AFF3: variants seen among roughly 807,000 people sequenced by gnomAD.
The protein encoded by AFF3 is AF4/FMR2 family member 3.
In AFF3, 32 loss-of-function variants were observed where a neutral mutation model predicts 129.7. The ratio of observed to expected loss-of-function variants is 0.25; its 90% CI spans 0.19 to 0.33. AFF3 has a LOEUF of 0.33. Among genes scored for constraint, AFF3 ranks in the 10% least tolerant of loss-of-function variants. The probability of loss-of-function intolerance (pLI) is 1.00; values close to 1 mark genes in which losing one functional copy is unlikely to be tolerated. For synonymous variants in AFF3, 644 were observed against 635.4 expected (o/e 1.01, Z -0.20); for missense variants, 1,373 against 1,592.0 (o/e 0.86, Z 2.34).
At chr2:99,756,908 A>G (rs939229545) in intron 8 of AFF3, among the ~76,000 whole-genome samples, 2 of 152,184 alleles carry the variant, frequency 1.3e-5, no homozygotes, top group Non-Finnish European at 2.9e-5. Context: ...ACCCACCTTC[A>G]CATTTCCAAG....
At position 99,649,647 on chromosome 2, in the gene AFF3, G is replaced by A. The variant is rs773332000; in HGVS notation, c.1163C>T (p.Ala388Val). The A allele has an allele frequency of 1.2e-6, 2 of 1,614,052 alleles. No individual in the cohort carries two copies. The highest frequency in any genetic ancestry group is 1.7e-6 in the Non-Finnish European group (2 of 1,180,032). Residue 388 changes from alanine to valine, a missense_variant, in exon 13 of 25, where the codon GCT (alanine) becomes GTT (valine). Ala to Val is a moderately conservative substitution (Grantham distance 64, BLOSUM62 0). This residue lies in a region of AFF3 where 413 missense variants were observed against 424.4 expected (regional missense o/e 0.97). Coordinates refer to ENST00000672756, the MANE Select transcript of AFF3 (RefSeq NM_001386135.1). ...ENEQQAAQRT[A>V]LRALSDSAVV... ...GTACCTGTCAGAGAGAGCGCGGAGA[G>A]CCGTTCTCTGAGCTGCCTGCTGGAA...
intron 7 of AFF3, among the ~76,000 whole-genome samples, chr2:99,925,252 AT>A (rs569695338): frequency 2.0e-5 from 3 of 151,538 alleles, no homozygotes; most frequent in South Asian, 2.1e-4. Context: ...ATTATTGTAC[AT>A]TTTTTTTCCT....
intron 7 of AFF3, among the ~76,000 whole-genome samples, chr2:99,929,288 T>C (rs185821822): frequency 1.8e-3 from 275 of 151,948 alleles, no homozygotes; most frequent in African/African-American, 6.3e-3. Flanking sequence ...GACTGCACCA[T>C]TGCACTCCAG....
intron 11 of AFF3, among the ~76,000 whole-genome samples, chr2:99,714,245 G>A (rs753142920): frequency 1.3e-5 from 2 of 152,090 alleles, no homozygotes; most frequent in African/African-American, 4.8e-5. Context: ...ACTCTCCCCA[G>A]CCCAAAGCTG....
Position 100,104,482 on chromosome 2 carries a change from C to G in AFF3, c.-28G>C, listed in dbSNP as rs1233650122. On this transcript the variant is annotated 5_prime_UTR_variant, in exon 4 of 25. Coordinates refer to ENST00000672756, the MANE Select transcript of AFF3 (RefSeq NM_001386135.1). ...TGGGAGGTGTCAGCGTCGCCGCCGC[C>G]GCTACCGCCGCCGCCGAGGCTCGGG... 3 of 1,304,036 alleles carry G rather than the reference C, an allele frequency of 2.3e-6. No homozygotes were observed. The highest frequency in any genetic ancestry group is 3.2e-4 in the Middle Eastern group (1 of 3,170). 80.8% of individuals were successfully genotyped at this position (1,304,036 alleles called of 1,614,324 possible).
intron 4 of AFF3, among the ~76,000 whole-genome samples, chr2:100,099,669 G>T (rs1190956690): frequency 3.3e-5 from 5 of 152,160 alleles, no homozygotes; most frequent in Non-Finnish European, 5.9e-5. Context: ...GTCAGCCTTG[G>T]ATTACAGGTA....
At chr2:100,038,277 G>T (rs1685140799) in intron 4 of AFF3, among the ~76,000 whole-genome samples, 1 of 151,532 alleles carries the variant, frequency 6.6e-6, no homozygotes, top group Non-Finnish European at 1.5e-5. Flanking sequence ...TACTCCCGCA[G>T]ATTAAAACCA....
intron 12 of AFF3, among the ~76,000 whole-genome samples, chr2:99,662,128 G>A (rs1298615306): frequency 1.3e-5 from 2 of 150,602 alleles, no homozygotes; most frequent in African/African-American, 4.9e-5. Flanking sequence ...AACAGAACAA[G>A]ACTCTGTCTC....
At position 99,594,124 on chromosome 2, in the gene AFF3, C is replaced by T. The variant is rs1278783084; in HGVS notation, c.1537G>A (p.Val513Ile). The T allele has an allele frequency of 3.1e-6, 5 of 1,613,932 alleles. No individual in the cohort carries two copies. The highest frequency in any genetic ancestry group is 1.6e-4 in the Middle Eastern group (1 of 6,084). ...TTCTCTCTCAGGCTGGGCTGGCAAA[C>T]GTCGGGGACTTTCCCACAGTCCTGG... ...DVQDCGKVPD[V>I]CQPSLREKEI... The change falls in exon 15 of 25, where the codon GTT becomes ATT. Residue 513 changes from valine to isoleucine, a missense_variant. Val to Ile is a conservative substitution (Grantham distance 29). Transcript: ENST00000672756.
chr2:100,136,307 C>A (rs1692640228), intron 1 of AFF3, among the ~76,000 whole-genome samples: 1 of 152,026 alleles, frequency 6.6e-6, no homozygotes. Flanking sequence ...CGCTTCACCA[C>A]CCGGAGATGT....
At chr2:99,869,045 C>T (rs552646902) in intron 7 of AFF3, among the ~76,000 whole-genome samples, 80 of 152,166 alleles carry the variant, frequency 5.3e-4, no homozygotes, top group African/African-American at 1.9e-3. Flanking sequence ...TCTGCCTCTG[C>T]CTCTGCCTCC....
intron 7 of AFF3, among the ~76,000 whole-genome samples, chr2:99,951,602 C>T (rs573658495): frequency 7.0e-4 from 107 of 152,290 alleles, no homozygotes; most frequent in African/African-American, 2.5e-3. Flanking sequence ...ACCAGTTTTA[C>T]AAATGGTCAG....
chr2:99,679,551 CTCAA>C (rs1353660583), intron 11 of AFF3, among the ~76,000 whole-genome samples: 2 of 152,144 alleles, frequency 1.3e-5, no homozygotes, highest in African/African-American at 2.4e-5. Flanking sequence ...TCTTCAAAAT[CTCAA>C]TCAGTCAACT....
intron 8 of AFF3, among the ~76,000 whole-genome samples, chr2:99,817,166 A>G (rs540714696): frequency 6.6e-6 from 1 of 152,288 alleles, no homozygotes; most frequent in East Asian, 1.9e-4. Context: ...AGACCACAGG[A>G]AAGGCTTCTC....
At chr2:99,985,993 G>A (rs1192707216) in intron 7 of AFF3, among the ~76,000 whole-genome samples, 1 of 152,032 alleles carries the variant, frequency 6.6e-6, no homozygotes, top group Non-Finnish European at 1.5e-5. Flanking sequence ...GAGGTCAGGA[G>A]ACCGAGACCA....
chr2:100,003,955 T>C (rs371587829), intron 7 of AFF3, among the ~76,000 whole-genome samples: 12 of 151,152 alleles, frequency 7.9e-5, no homozygotes, highest in African/African-American at 3.0e-4. Flanking sequence ...GTAAATTTCT[T>C]GGAGGCAGAG....
At chr2:99,762,504 T>C (rs1012288845) in intron 8 of AFF3, among the ~76,000 whole-genome samples, 2 of 152,200 alleles carry the variant, frequency 1.3e-5, no homozygotes, top group Non-Finnish European at 2.9e-5. Context: ...AGAATATTTT[T>C]AAAATCCCTA....
chr2:99,991,415 C>T (rs752099236), intron 7 of AFF3, among the ~76,000 whole-genome samples: 4 of 152,094 alleles, frequency 2.6e-5, no homozygotes, highest in Admixed American at 2.0e-4. Context: ...GTGTTCCTCT[C>T]GATAAAACAG....
At chr2:99,803,463 G>A (rs1376361866) in intron 8 of AFF3, among the ~76,000 whole-genome samples, 1 of 152,146 alleles carries the variant, frequency 6.6e-6, no homozygotes, top group Non-Finnish European at 1.5e-5. Context: ...TACATCCCAT[G>A]CTCATGGATT....
Sources: allele counts gnomAD v4.1 joint callset (sites outside exome capture counted in the v4.1 genomes callset), GRCh38; gene constraint gnomAD v4.1.1; regional missense constraint gnomAD v4.1.1; transcripts MANE v1.5; gene names NCBI Gene and HGNC (gene_info 2026-07-23, HGNC 2026-07-21).